Variants in ATG7 observed in about 807,000 individuals in gnomAD.
The protein encoded by ATG7 is ubiquitin-like modifier-activating enzyme ATG7.
A neutral mutation model predicts 82.4 loss-of-function variants in ATG7; 70 were observed. The ratio of observed to expected loss-of-function variants is 0.85; its 90% confidence interval spans 0.70 to 1.04. ATG7 has a LOEUF of 1.04. ATG7 is among the 50% of genes least tolerant of loss of function. The pLI, the probability that ATG7 is intolerant of heterozygous loss-of-function variation, is 0.00. For synonymous variants in ATG7, 287 were observed against 313.0 expected (o/e 0.92, Z 0.88); for missense variants, 792 against 864.3 (o/e 0.92, Z 1.05).
chr3:11,441,893 T>C lies in ATG7; in HGVS notation c.2079+14967T>C, dbSNP rs527402718. ...GTTGGCCAAGCTGGTCTTGAACTCT[T>C]GACCTCAGGTGATCCACCCACCTTG... On this transcript the variant is annotated intron_variant, in intron 20 of 20. Coordinates refer to ENST00000693202, the MANE Select transcript of ATG7 (RefSeq NM_001349232.2). 2.2e-4 allele frequency among the ~76,000 whole-genome samples: 34 copies of C among 152,018 alleles called. 1 individual carries two copies. The highest frequency in any genetic ancestry group is 6.2e-4 in the South Asian group (3 of 4,804).
intron 6 of ATG7, 133 bp downstream of exon 6, chr3:11,307,193 G>C (rs1432678263): frequency 1.2e-6 from 1 of 824,850 alleles, no homozygotes; most frequent in East Asian, 2.5e-5. Flanking sequence ...GTGGGCTTTG[G>C]TATATTTCTC....
chr3:11,376,643 A>G (rs1260864891), intron 18 of ATG7, among the ~76,000 whole-genome samples: 1 of 152,228 alleles, frequency 6.6e-6, no homozygotes, highest in Admixed American at 6.5e-5. Flanking sequence ...GTCTGTAAAA[A>G]AAAATTCAAT....
At chr3:11,527,654 T>C (rs1229265576) in intron 20 of ATG7, among the ~76,000 whole-genome samples, 2 of 152,196 alleles carry the variant, frequency 1.3e-5, no homozygotes, top group Non-Finnish European at 2.9e-5. Context: ...CACAATCATA[T>C]AGAAGGCAAA....
chr3:11,301,089 G>A (rs1292417353), intron 5 of ATG7, among the ~76,000 whole-genome samples: 1 of 152,206 alleles, frequency 6.6e-6, no homozygotes, highest in Non-Finnish European at 1.5e-5. Flanking sequence ...CACAGGGGTT[G>A]TCAGAGGAAA....
At chr3:11,396,571 GT>G (rs1230750737) in intron 19 of ATG7, among the ~76,000 whole-genome samples, 2 of 152,018 alleles carry the variant, frequency 1.3e-5, no homozygotes, top group African/African-American at 4.8e-5. Context: ...GAAGTCAGGA[GT>G]TTGAGACCAG....
At chr3:11,353,495 T>A (rs1250482587) in intron 14 of ATG7, among the ~76,000 whole-genome samples, 1 of 152,024 alleles carries the variant, frequency 6.6e-6, no homozygotes, top group Non-Finnish European at 1.5e-5. Flanking sequence ...TCATAGGAAA[T>A]GATTTGATTT....
chr3:11,466,707 T>C (rs929469401), intron 20 of ATG7, among the ~76,000 whole-genome samples: 5 of 152,252 alleles, frequency 3.3e-5, no homozygotes, highest in Non-Finnish European at 5.9e-5. Context: ...TTATAGCACC[T>C]TTATGTTCAA....
At chr3:11,564,455 C>T in the ATG7 span, among the ~76,000 whole-genome samples, 1 of 152,014 alleles carries the variant, frequency 6.6e-6, no homozygotes. Context: ...TCAGGCCTGC[C>T]ACAGAAGACT....
At chr3:11,383,664 G>A (rs2078091361) in intron 19 of ATG7, among the ~76,000 whole-genome samples, 1 of 152,094 alleles carries the variant, frequency 6.6e-6, no homozygotes, top group South Asian at 2.1e-4. Context: ...TGGCCAGGCT[G>A]GTCTCTAACT....
chr3:11,542,154 C>G (rs911258489), intron 20 of ATG7, among the ~76,000 whole-genome samples: 2 of 152,268 alleles, frequency 1.3e-5, no homozygotes, highest in Non-Finnish European at 2.9e-5. Context: ...CCTCCCTCCT[C>G]TGCATGTCAC....
downstream of ATG7, among the ~76,000 whole-genome samples, chr3:11,561,326 C>T (rs1461627059): frequency 6.6e-6 from 1 of 151,936 alleles, no homozygotes; most frequent in Non-Finnish European, 1.5e-5. Flanking sequence ...AAGGCCACTT[C>T]AGAAGAGACT....
intron 19 of ATG7, among the ~76,000 whole-genome samples, chr3:11,383,886 G>A (rs1167060023): frequency 6.6e-6 from 1 of 152,098 alleles, no homozygotes; most frequent in East Asian, 1.9e-4. Context: ...TTTTTCCTAG[G>A]TAAAATTTAT....
chr3:11,372,626 C>A (rs35834806), intron 18 of ATG7, among the ~76,000 whole-genome samples: 1 of 150,318 alleles, frequency 6.7e-6, no homozygotes, highest in African/African-American at 2.5e-5. Context: ...CCACCCTCAG[C>A]CCCAGGCAAC....
rs1200167257 is a variant in ATG7, at chr3:11,315,490, G to A, written c.675G>A (p.Thr225=). The A allele has an allele frequency of 1.3e-5, 21 of 1,588,332 alleles. No individual in the cohort carries two copies. The highest frequency in any genetic ancestry group is 2.7e-5 in the African/African-American group (2 of 73,600). ...GTGATTTCTTCCAAGGTCAAAGGAC[G>A]AAGGTCAGATAAACTTTGAGTATCA... The part of the protein sequence containing the change: ...HYSDFFQGQR[T]KITIGVYDPC... The change falls in exon 9 of 21, where the codon ACG becomes ACA. Residue 225 remains threonine (T), a synonymous_variant. Transcript: ENST00000693202.
intron 20 of ATG7, among the ~76,000 whole-genome samples, chr3:11,535,158 C>T (rs1420381527): frequency 1.3e-5 from 2 of 152,236 alleles, no homozygotes; most frequent in African/African-American, 4.8e-5. Flanking sequence ...ATATTTCATC[C>T]TTCGGGGCCT....
rs146568189 is a variant in ATG7, at chr3:11,402,811, C to T, written c.1956+22759C>T. 3.1e-4 allele frequency among the ~76,000 whole-genome samples: 47 copies of T among 152,242 alleles called. 1 individual carries two copies. In the East Asian group the frequency reaches 5.8e-3, roughly 19 times the overall value. On this transcript the variant is annotated intron_variant, in intron 19 of 20. Transcript: ENST00000693202. ...ACAATTTTTTTAATGGAGTCAGGGT[C>T]TCATAGCCACCACACCCAGTTTATT... is the stretch of plus-strand genomic sequence containing the variant.
chr3:11,359,487 G>A (rs935049116), intron 15 of ATG7, among the ~76,000 whole-genome samples: 1 of 152,028 alleles, frequency 6.6e-6, no homozygotes, highest in Non-Finnish European at 1.5e-5. Context: ...CTTGACCCAG[G>A]AGTTTGAGAC....
intron 19 of ATG7, among the ~76,000 whole-genome samples, chr3:11,416,396 C>T (rs562673039): frequency 6.8e-4 from 104 of 152,116 alleles, no homozygotes; most frequent in Non-Finnish European, 1.1e-3. Flanking sequence ...AGAAATAGGC[C>T]TGTTTAGAAT....
intron 20 of ATG7, among the ~76,000 whole-genome samples, chr3:11,487,310 C>T (rs374812052): frequency 7.9e-4 from 39 of 49,572 alleles, no homozygotes; most frequent in Non-Finnish European, 1.3e-3. Flanking sequence ...TCCACAAAGC[C>T]GCCATTGTCA....
Sources: gnomAD v4.1 joint callset for allele counts (sites outside exome capture counted in the v4.1 genomes callset) on GRCh38, gnomAD v4.1.1 for gene constraint, MANE v1.5 for transcripts, NCBI Gene and HGNC (gene_info 2026-07-23, HGNC 2026-07-21) for gene names.